Variants in TENM3 observed in about 807,000 individuals in gnomAD.
TENM3 encodes teneurin transmembrane protein 3, also known as teneurin-3.
In TENM3, 63 loss-of-function variants were observed where a neutral mutation model predicts 255.1. The observed-to-expected ratio is 0.25, with a 90% CI of 0.20 to 0.30. TENM3 has a LOEUF of 0.30. Ranked by LOEUF, TENM3 falls within the 10% of genes least tolerant of loss-of-function variation. The pLI, the probability that TENM3 is intolerant of heterozygous loss-of-function variation, is 1.00. For synonymous variants in TENM3, 1,306 were observed against 1,322.3 expected (o/e 0.99, Z 0.27); for missense variants, 2,929 against 3,461.1 (o/e 0.85, Z 3.86).
At chr4:182,315,455 T>A (rs1762699166) in intron 1 of TENM3, among the ~76,000 whole-genome samples, 1 of 152,100 alleles carries the variant, frequency 6.6e-6, no homozygotes, top group African/African-American at 2.4e-5. Context: ...TTAGCTTACA[T>A]TATTTCCTGT....
chr4:182,342,746 G>A (rs1044494839), intron 2 of TENM3, among the ~76,000 whole-genome samples: 4 of 152,152 alleles, frequency 2.6e-5, no homozygotes, highest in African/African-American at 9.7e-5. Context: ...AGTGAGGAGA[G>A]AATGCCTTCC....
intron 2 of TENM3, among the ~76,000 whole-genome samples, chr4:182,339,496 C>G (rs1046622983): frequency 6.6e-6 from 1 of 152,138 alleles, no homozygotes; most frequent in Non-Finnish European, 1.5e-5. Flanking sequence ...CTTTCAGGCT[C>G]GGCAGCCAAC....
At chr4:181,779,072 A>G in the TENM3 span, among the ~76,000 whole-genome samples, 1 of 152,046 alleles carries the variant, frequency 6.6e-6, no homozygotes. Flanking sequence ...GAGAGTAGTG[A>G]ACAGGTCTGT....
At chr4:182,488,987 T>C (rs890849099) in intron 3 of TENM3, among the ~76,000 whole-genome samples, 1 of 152,248 alleles carries the variant, frequency 6.6e-6, no homozygotes, top group Non-Finnish European at 1.5e-5. Context: ...AATTACATAA[T>C]GTTATTCAAG....
intron 1 of TENM3, among the ~76,000 whole-genome samples, chr4:182,319,798 A>C (rs904659072): frequency 6.6e-6 from 1 of 152,190 alleles, no homozygotes; most frequent in Non-Finnish European, 1.5e-5. Flanking sequence ...TACAGTAGAG[A>C]GAATACTTTT....
the TENM3 span, among the ~76,000 whole-genome samples, chr4:182,032,190 G>A: frequency 1.3e-5 from 2 of 152,184 alleles, no homozygotes; most frequent in Non-Finnish European, 2.9e-5. Flanking sequence ...CTGTGGGTTT[G>A]TCATAAATGG....
At chr4:182,563,199 G>T (rs1743395324) in intron 3 of TENM3, among the ~76,000 whole-genome samples, 1 of 152,136 alleles carries the variant, frequency 6.6e-6, no homozygotes, top group African/African-American at 2.4e-5. Context: ...TGGATCACCT[G>T]AGGTCAGGAG....
the TENM3 span, among the ~76,000 whole-genome samples, chr4:181,849,949 T>TCTCACA: frequency 4.5e-5 from 3 of 65,962 alleles, 1 homozygote; most frequent in South Asian, 7.8e-4. Context: ...TCTCTCTCTC[T>TCTCACA]CACACACACA....
the TENM3 span, among the ~76,000 whole-genome samples, chr4:181,687,327 G>T: frequency 6.6e-6 from 1 of 152,118 alleles, no homozygotes. Flanking sequence ...TGACTAATCC[G>T]TTAGGTATAT....
chr4:181,931,057 T>G, the TENM3 span, among the ~76,000 whole-genome samples: 1 of 152,174 alleles, frequency 6.6e-6, no homozygotes, highest in Non-Finnish European at 1.5e-5. Context: ...ACAGCCAATA[T>G]CATACTGAGT....
chr4:182,758,652 ATTT>A, intron 22 of TENM3, among the ~76,000 whole-genome samples: 1 of 152,158 alleles, frequency 6.6e-6, no homozygotes. Context: ...ATTTCCCTTC[ATTT>A]TTAGAGTACC....
chr4:181,770,478 T>G, the TENM3 span, among the ~76,000 whole-genome samples: 1 of 151,910 alleles, frequency 6.6e-6, no homozygotes, highest in Non-Finnish European at 1.5e-5. Flanking sequence ...ATCAAGACCA[T>G]CCTGGCTAAC....
the TENM3 span, among the ~76,000 whole-genome samples, chr4:181,501,403 G>C: frequency 2.8e-4 from 42 of 151,076 alleles, 1 homozygote; most frequent in Non-Finnish European, 7.4e-5. Flanking sequence ...TTTTAAGATG[G>C]AGTCTCGCAC....
At chr4:181,753,947 T>A in the TENM3 span, among the ~76,000 whole-genome samples, 3 of 152,154 alleles carry the variant, frequency 2.0e-5, no homozygotes, top group South Asian at 6.2e-4. Flanking sequence ...TTAATAGAAT[T>A]TGGGAGCTTA....
At chr4:181,628,736 G>A in the TENM3 span, among the ~76,000 whole-genome samples, 4 of 152,160 alleles carry the variant, frequency 2.6e-5, no homozygotes, top group South Asian at 8.3e-4. Context: ...GGTTCCTGTA[G>A]CCTTGTAGTA....
At chr4:181,467,147 T>TTTTTTTTTTTG in the TENM3 span, among the ~76,000 whole-genome samples, 2 of 113,006 alleles carry the variant, frequency 1.8e-5, no homozygotes, top group African/African-American at 7.5e-5. Flanking sequence ...TTTTTTTTTT[T>TTTTTTTTTTTG]TAGGCAGAGT....
At chr4:182,552,785 T>A (rs183021596) in intron 3 of TENM3, among the ~76,000 whole-genome samples, 1 of 152,316 alleles carries the variant, frequency 6.6e-6, no homozygotes, top group Admixed American at 6.5e-5. Context: ...ACACAGGAGT[T>A]ATTTTAATAT....
intron 27 of TENM3, among the ~76,000 whole-genome samples, chr4:182,798,466 C>T (rs1400718931): frequency 1.3e-5 from 2 of 152,228 alleles, no homozygotes; most frequent in African/African-American, 2.4e-5. Context: ...CAGTAGGCTA[C>T]ACCATCTAGG....
the TENM3 span, among the ~76,000 whole-genome samples, chr4:181,982,305 C>T: frequency 6.6e-6 from 1 of 152,060 alleles, no homozygotes; most frequent in African/African-American, 2.4e-5. Context: ...AGAAAGGGGT[C>T]AGTGAAAACC....
Sources: allele counts gnomAD v4.1 joint callset (sites outside exome capture counted in the v4.1 genomes callset), GRCh38; gene constraint gnomAD v4.1.1; transcripts MANE v1.5; gene names NCBI Gene and HGNC (gene_info 2026-07-23, HGNC 2026-07-21).